Variants in FAT3 observed in about 807,000 individuals in gnomAD.
FAT3 encodes the protein protocadherin Fat 3.
In FAT3, 95 loss-of-function variants were observed where a neutral mutation model predicts 310.2. That is an observed-to-expected ratio of 0.31 (90% confidence interval 0.26 to 0.36). The LOEUF (loss-of-function observed/expected upper bound fraction) is 0.36, where lower values mean the gene tolerates loss of function less well. FAT3 is among the 10% of genes least tolerant of loss of function. The probability of loss-of-function intolerance (pLI) is 1.00; values close to 1 mark genes in which losing one functional copy is unlikely to be tolerated. For synonymous variants in FAT3, 2,314 were observed against 2,192.9 expected (o/e 1.06, Z -1.54); for missense variants, 5,408 against 5,715.6 (o/e 0.95, Z 1.74).
intron 3 of FAT3, 69 bp from the exon 4 acceptor site, chr11:92,697,315 T>G (rs1208671466): frequency 4.9e-6 from 7 of 1,438,920 alleles, no homozygotes; most frequent in Non-Finnish European, 6.8e-6. Flanking sequence ...TAACTGGACT[T>G]GTTTCCCCAC....
chr11:92,438,994 A>C (rs1951009870), intron 2 of FAT3, among the ~76,000 whole-genome samples: 1 of 152,226 alleles, frequency 6.6e-6, no homozygotes. Flanking sequence ...AGTGACACAG[A>C]TCTGGTTAAG....
intron 2 of FAT3, among the ~76,000 whole-genome samples, chr11:92,425,271 A>T (rs1000068526): frequency 1.3e-5 from 2 of 152,070 alleles, no homozygotes; most frequent in Admixed American, 1.3e-4. Flanking sequence ...AATGGGCCCT[A>T]CATGCTTTGG....
At chr11:92,441,359 T>C (rs1008523987) in intron 2 of FAT3, among the ~76,000 whole-genome samples, 1 of 152,238 alleles carries the variant, frequency 6.6e-6, no homozygotes, top group Non-Finnish European at 1.5e-5. Flanking sequence ...AAGATTAATA[T>C]AAGCAGTTGC....
At chr11:92,556,775 G>C (rs150906493) in intron 3 of FAT3, among the ~76,000 whole-genome samples, 280 of 152,192 alleles carry the variant, frequency 1.8e-3, no homozygotes, top group African/African-American at 6.3e-3. Context: ...AGAGAAAAAG[G>C]TCACAGAATT....
At chr11:92,528,901 C>A (rs1446271668) in intron 3 of FAT3, among the ~76,000 whole-genome samples, 1 of 152,140 alleles carries the variant, frequency 6.6e-6, no homozygotes, top group Non-Finnish European at 1.5e-5. Flanking sequence ...GTATTTCCCC[C>A]TAGAAAAAAA....
At chr11:92,561,705 A>G (rs1451403255) in intron 3 of FAT3, among the ~76,000 whole-genome samples, 1 of 152,122 alleles carries the variant, frequency 6.6e-6, no homozygotes, top group Non-Finnish European at 1.5e-5. Context: ...GGCTCACTGC[A>G]GCCTCCACCT....
chr11:92,252,614 T>C (rs1236857511), intron 1 of FAT3, among the ~76,000 whole-genome samples: 1 of 152,172 alleles, frequency 6.6e-6, no homozygotes, highest in Non-Finnish European at 1.5e-5. Context: ...GAACCATGTA[T>C]CCTTTCCTTA....
rs866689726 is a variant in FAT3, at chr11:92,555,962, G to C, written c.3607+31014G>C. On this transcript the variant is annotated intron_variant, in intron 3 of 27. Transcript: ENST00000525166. Reference sequence around the variant, plus strand: ...GGTAAGCATAAACCTTAACAGCCTCGGTCTGCTCGGTTTAAAAATAGGACT... The same window carrying C: ...GGTAAGCATAAACCTTAACAGCCTCCGTCTGCTCGGTTTAAAAATAGGACT... 7.9e-5 allele frequency among the ~76,000 whole-genome samples: 12 copies of C among 152,240 alleles called. No homozygotes were observed. In the South Asian group the frequency reaches 2.3e-3, roughly 29 times the overall value.
In FAT3 at chr11:92,294,810, C is replaced by G. The variant is rs1004215125; in HGVS notation, c.-17-57286C>G. 1.5e-4 allele frequency among the ~76,000 whole-genome samples: 23 copies of G among 152,028 alleles called. 1 individual carries two copies. Among genetic ancestry groups the G allele is most frequent in the Non-Finnish European group, 2.6e-4 (18 of 67,986 alleles). On this transcript the variant is annotated intron_variant, in intron 1 of 27. Coordinates refer to ENST00000525166, the MANE Select transcript of FAT3 (RefSeq NM_001367949.2). ...GAATAAATAAAATGAAATGTAGAAC[C>G]TGGAGCCAGGTATTTGTCAGAATGT...
rs376799899 is a variant in FAT3 at position 92,886,992 on chromosome 11, C to A, written c.12938-8C>A. 1.9e-6 allele frequency: 3 copies of A among 1,590,642 alleles called. No individual in the cohort carries two copies. The highest frequency in any genetic ancestry group is 1.1e-5 in the South Asian group (1 of 87,036). Reference sequence around the variant, plus strand: ...TAATTTCTGCTTTCTCTTTCACTGTCCATGAAGACAAAGGGGTTGATGACC... The same window carrying A: ...TAATTTCTGCTTTCTCTTTCACTGTACATGAAGACAAAGGGGTTGATGACC... On this transcript the variant is annotated splice_polypyrimidine_tract_variant and splice_region_variant and intron_variant, in intron 24 of 27. Coordinates refer to ENST00000525166, the MANE Select transcript of FAT3 (RefSeq NM_001367949.2).
chr11:92,388,045 C>G (rs980103450), intron 2 of FAT3, among the ~76,000 whole-genome samples: 2 of 152,104 alleles, frequency 1.3e-5, no homozygotes, highest in Non-Finnish European at 2.9e-5. Context: ...GGCTTTTTGC[C>G]AGGCTATTTG....
intron 1 of FAT3, among the ~76,000 whole-genome samples, chr11:92,237,336 T>C (rs1288549319): frequency 6.6e-6 from 1 of 152,192 alleles, no homozygotes. Flanking sequence ...GATGTTACCA[T>C]TCAACTGGAT....
chr11:92,280,757 C>G (rs1369240890), intron 1 of FAT3, among the ~76,000 whole-genome samples: 3 of 152,196 alleles, frequency 2.0e-5, no homozygotes, highest in Non-Finnish European at 2.9e-5. Context: ...CTCCCTCACC[C>G]AGCACACATA....
intron 3 of FAT3, among the ~76,000 whole-genome samples, chr11:92,618,134 G>T (rs1296834036): frequency 6.6e-6 from 1 of 152,194 alleles, no homozygotes; most frequent in Non-Finnish European, 1.5e-5. Context: ...GCTCCACCCA[G>T]TTCGAGCTTC....
chr11:92,629,698 A>G (rs1941481930), intron 3 of FAT3, among the ~76,000 whole-genome samples: 1 of 152,152 alleles, frequency 6.6e-6, no homozygotes, highest in Admixed American at 6.6e-5. Context: ...GGTGTGAGCC[A>G]ATGTGTCCAA....
chr11:92,800,674 C>A lies in FAT3; in HGVS notation c.7661C>A (p.Thr2554Asn). The change falls in exon 10 of 28, where the codon ACC (threonine) becomes AAC (asparagine). Residue 2554 changes from threonine (T) to asparagine (N), a missense_variant. Around this residue, in one of 5 missense-constraint regions of FAT3, gnomAD observed 4,588 missense variants for 4,809.8 expected, o/e 0.95. Coordinates refer to ENST00000525166, the MANE Select transcript of FAT3 (RefSeq NM_001367949.2). The stretch of plus-strand genomic sequence containing the variant: ...ATAGACAGCAATGGGCAGGTCATCA[C>A]CACAGAAAGGCTAGACCGGGAAAAC... ...FLIDSNGQVI[T>N]TERLDRENPL... The A allele has an allele frequency of 1.2e-6, 2 of 1,613,784 alleles. No homozygotes were observed. Among genetic ancestry groups the A allele is most frequent in the Non-Finnish European group, 1.7e-6 (2 of 1,179,832 alleles).
chr11:92,663,584 T>C (rs140864329), intron 3 of FAT3, among the ~76,000 whole-genome samples: 14 of 152,280 alleles, frequency 9.2e-5, no homozygotes, highest in Admixed American at 3.3e-4. Flanking sequence ...AACTTACTCC[T>C]CCTTGTCAAG....
intron 3 of FAT3, among the ~76,000 whole-genome samples, chr11:92,683,268 T>G (rs1943539604): frequency 6.6e-6 from 1 of 152,120 alleles, no homozygotes; most frequent in Non-Finnish European, 1.5e-5. Context: ...ACACTGAAAG[T>G]TAAGAGAGCT....
chr11:92,354,828 G>T lies in FAT3; in HGVS notation c.2716G>T (p.Ala906Ser), dbSNP rs1336619732. 6 of 1,613,718 alleles carry T rather than the reference G, an allele frequency of 3.7e-6. No individual in the cohort carries two copies. Among genetic ancestry groups the T allele is most frequent in the Non-Finnish European group, 5.1e-6 (6 of 1,179,864 alleles). ...SKANYSLKIE[A>S]RDKAESGQQL... ...AGCCAATTATTCTTTGAAAATAGAA[G>T]CCAGGGACAAGGCAGAGAGTGGTCA... The change falls in exon 2 of 28, where the codon GCC becomes TCC. Residue 906 changes from alanine to serine, a missense_variant. Ala to Ser is a moderately conservative substitution (Grantham distance 99, BLOSUM62 1). Coordinates refer to ENST00000525166, the MANE Select transcript of FAT3 (RefSeq NM_001367949.2).
Sources: gnomAD v4.1 joint callset for allele counts (sites outside exome capture counted in the v4.1 genomes callset) on GRCh38, gnomAD v4.1.1 for gene constraint, gnomAD v4.1.1 regional missense constraint, MANE v1.5 for transcripts, NCBI Gene and HGNC (gene_info 2026-07-23, HGNC 2026-07-21) for gene names.